The following SEPTIN9 variants were observed in gnomAD, a reference collection of about 807,000 sequenced individuals.
SEPTIN9 encodes the protein septin 9, also known as septin-9.
SEPTIN9 carries 13 observed loss-of-function variants against 56.6 expected under a neutral mutation model. The ratio of observed to expected loss-of-function variants is 0.23; its 90% CI spans 0.15 to 0.37. SEPTIN9 has a LOEUF of 0.37. Ranked by LOEUF, SEPTIN9 falls within the 10% of genes least tolerant of loss-of-function variation. The probability of loss-of-function intolerance (pLI) is 1.00; values close to 1 mark genes in which losing one functional copy is unlikely to be tolerated. For synonymous variants in SEPTIN9, 332 were observed against 334.1 expected, an observed-to-expected ratio of 0.99 and a Z score of 0.07; for missense variants, 650 against 823.1, an observed-to-expected ratio of 0.79 and a Z score of 2.57.
intron 2 of SEPTIN9, among the ~76,000 whole-genome samples, chr17:77,347,490 C>T (rs2033926339): frequency 6.6e-6 from 1 of 151,892 alleles, no homozygotes; most frequent in South Asian, 2.1e-4. Context: ...TAGGTGCATA[C>T]ACATTTATGA....
In SEPTIN9 at chr17:77,437,941, C is replaced by T. The variant is rs923218236; in HGVS notation, c.721+35238C>T. On this transcript the variant is annotated intron_variant, in intron 3 of 11. Transcript: ENST00000427177. The surrounding 1 kb of genome is among the most constrained non-coding windows in gnomAD (Gnocchi z 5.3). The stretch of plus-strand genomic sequence containing the variant: ...GGCTGGTTGTTGGTGCCTGGCCCTG[C>T]CCTGCACTGTGCACCCATTGAAGGC... Among the ~76,000 whole-genome samples the T allele has an allele frequency of 6.6e-6, 1 of 152,198 alleles. No homozygotes were observed. Among genetic ancestry groups the T allele is most frequent in the African/African-American group, 2.4e-5 (1 of 41,444 alleles).
At chr17:77,347,924 T>C (rs1247874217) in intron 2 of SEPTIN9, among the ~76,000 whole-genome samples, 1 of 152,200 alleles carries the variant, frequency 6.6e-6, no homozygotes, top group African/African-American at 2.4e-5. Flanking sequence ...GAATGTTCGG[T>C]AAGTTAGATG....
At position 77,499,984 on chromosome 17, in the gene SEPTIN9, T is replaced by TG. The variant is rs2040436236; in HGVS notation, c.*1331dup. 1 of 238,694 alleles carries TG rather than the reference T, an allele frequency of 4.2e-6. No homozygotes were observed. The highest frequency in any genetic ancestry group is 2.2e-5 in the African/African-American group (1 of 45,336). The allele number at this position is 238,694 out of a possible 1,614,324, so 14.8% of individuals were successfully genotyped here. A position where few individuals can be genotyped will look rare whatever the true frequency, so the allele number is the denominator to read the frequency against. On this transcript the variant is annotated 3_prime_UTR_variant, in exon 12 of 12. Coordinates refer to ENST00000427177, the MANE Select transcript of SEPTIN9 (RefSeq NM_001113491.2). ...CCCTCTGTCCCCACGAGGGGACCCATGGGGGCTGTCTTTGCAGGGCACAGA... is the reference window on the plus strand; with the variant it reads ...CCCTCTGTCCCCACGAGGGGACCCATGGGGGGCTGTCTTTGCAGGGCACAGA...
intron 3 of SEPTIN9, among the ~76,000 whole-genome samples, chr17:77,407,723 C>T (rs550070004): frequency 3.3e-5 from 5 of 152,352 alleles, no homozygotes; most frequent in South Asian, 2.1e-4. Context: ...GGTGGATTCT[C>T]GGTTTCCGAG....
chr17:77,432,040 G>C (rs2037161669), intron 3 of SEPTIN9, among the ~76,000 whole-genome samples: 1 of 152,060 alleles, frequency 6.6e-6, no homozygotes, highest in African/African-American at 2.4e-5. Flanking sequence ...GACCCCAGCT[G>C]GGGGTGGGGG....
intron 3 of SEPTIN9, among the ~76,000 whole-genome samples, chr17:77,474,229 G>T (rs2039120456): frequency 6.6e-6 from 1 of 152,178 alleles, no homozygotes; most frequent in Non-Finnish European, 1.5e-5. Context: ...AGGGGCCCCA[G>T]GGCAGCTCTG....
chr17:77,376,371 G>T (rs1393924975), intron 2 of SEPTIN9: 6 of 985,544 alleles, frequency 6.1e-6, no homozygotes, highest in Non-Finnish European at 7.2e-6. Context: ...TCCCGGGGCG[G>T]CTCACCTGGT....
At chr17:77,393,664 A>G (rs1233039749) in intron 2 of SEPTIN9, among the ~76,000 whole-genome samples, 1 of 152,132 alleles carries the variant, frequency 6.6e-6, no homozygotes, top group Non-Finnish European at 1.5e-5. Context: ...ATCTCGGCTC[A>G]CCACAACCTC....
At chr17:77,385,999 C>T (rs2035323221) in intron 2 of SEPTIN9, among the ~76,000 whole-genome samples, 1 of 152,162 alleles carries the variant, frequency 6.6e-6, no homozygotes, top group Non-Finnish European at 1.5e-5. Flanking sequence ...ATCTTTCGGT[C>T]CAGCCCTTCC....
In SEPTIN9 at chr17:77,487,566, A is replaced by G. The variant is rs1158769544; in HGVS notation, c.1042+14A>G. 6.2e-7 allele frequency: 1 copy of G among 1,604,790 alleles called. No individual in the cohort carries two copies. Among genetic ancestry groups the G allele is most frequent in the Non-Finnish European group, 8.5e-7 (1 of 1,177,160 alleles). ...CCATCACGCACGGTCAGTGGCCGGG[A>G]GTGGGCTGGGGGTGCAGGACGCCCC... On this transcript the variant is annotated intron_variant, in intron 5 of 11. Coordinates refer to ENST00000427177, the MANE Select transcript of SEPTIN9 (RefSeq NM_001113491.2). The surrounding 1 kb of genome is among the most constrained non-coding windows in gnomAD (Gnocchi z 4.3).
chr17:77,495,767 G>A (rs534032659), intron 10 of SEPTIN9, among the ~76,000 whole-genome samples: 46 of 152,338 alleles, frequency 3.0e-4, no homozygotes, highest in African/African-American at 1.1e-3. Context: ...CGTGGCAGGA[G>A]GGCCTAGGCA....
In SEPTIN9 at chr17:77,329,974, C is replaced by T. The variant is rs77391180; in HGVS notation, c.76+22777C>T. On this transcript the variant is annotated intron_variant, in intron 2 of 11. Transcript: ENST00000427177. This position sits in a 1 kb window ranked among gnomAD's most constrained non-coding sequence, Gnocchi z 4.3. ...GGGTGGGGGCTGCAGTCCATGCCCC[C>T]GCTCCAGGCAACACAGTCGAGCTGC... is the stretch of plus-strand genomic sequence containing the variant. Among the ~76,000 whole-genome samples, 950 of 152,250 alleles carry T rather than the reference C, an allele frequency of 6.2e-3. 11 individuals carry two copies. Among genetic ancestry groups the T allele is most frequent in the African/African-American group, 0.022 (896 of 41,546 alleles).
chr17:77,451,415 T>G lies in SEPTIN9; in HGVS notation c.722-30729T>G. ...CTGCCCCGCGCTCTGGGAGGCTCCT[T>G]GTTCCGCGACCACAAAGCCCCTTTG... On this transcript the variant is annotated intron_variant, in intron 3 of 11. Transcript: ENST00000427177. The surrounding 1 kb of genome is among the most constrained non-coding windows in gnomAD (Gnocchi z 4.2). 2.0e-6 allele frequency: 2 copies of G among 985,632 alleles called. No individual in the cohort carries two copies. Among genetic ancestry groups the G allele is most frequent in the Non-Finnish European group, 1.2e-6 (1 of 830,072 alleles). The allele number at this position is 985,632 out of a possible 1,614,324, so 61.1% of individuals were successfully genotyped here.
At chr17:77,498,044 C>G (rs2040347655) in intron 11 of SEPTIN9, among the ~76,000 whole-genome samples, 1 of 151,930 alleles carries the variant, frequency 6.6e-6, no homozygotes, top group African/African-American at 2.4e-5. Flanking sequence ...AATCCGAGCC[C>G]AGGACTTTTT....
At chr17:77,361,334 C>T (rs1786882927) in intron 2 of SEPTIN9, among the ~76,000 whole-genome samples, 1 of 151,666 alleles carries the variant, frequency 6.6e-6, no homozygotes, top group East Asian at 1.9e-4. Flanking sequence ...AGGTCTTTCT[C>T]TGTCTGGGTG....
chr17:77,281,660 G>A, intron 1 of SEPTIN9, 106 bp downstream of exon 1: 1 of 1,162,176 alleles, frequency 8.6e-7, no homozygotes, highest in Non-Finnish European at 1.2e-6. Context: ...AGCTGAGCGA[G>A]TCCCCGCGGC....
chr17:77,492,702 A>C lies in SEPTIN9; in HGVS notation c.1462A>C (p.Asn488His), dbSNP rs77788745. Reference sequence around the variant, plus strand: ...TGAGGACTCGGAGGACCGGCTGGTGAACGAGAAGTTCCGGGTGAGTGGATC... The same window carrying C: ...TGAGGACTCGGAGGACCGGCTGGTGCACGAGAAGTTCCGGGTGAGTGGATC... ...FDEDSEDRLV[N>H]EKFREMIPFA... The change falls in exon 9 of 12, where the codon AAC (asparagine) becomes CAC (histidine). Residue 488 changes from asparagine to histidine, a missense_variant. Physicochemically the swap from Asn to His is moderately conservative, Grantham distance 68. This residue lies in a region of SEPTIN9 where 333 missense variants were observed against 494.0 expected (regional missense o/e 0.67). Coordinates refer to ENST00000427177, the MANE Select transcript of SEPTIN9 (RefSeq NM_001113491.2). The surrounding 1 kb of genome is among the most constrained non-coding windows in gnomAD (Gnocchi z 5.4). 1 of 1,613,984 alleles carries C rather than the reference A, an allele frequency of 6.2e-7. No individual in the cohort carries two copies. Among genetic ancestry groups the C allele is most frequent in the Non-Finnish European group, 8.5e-7 (1 of 1,179,964 alleles).
chr17:77,423,557 C>T (rs547363850), intron 3 of SEPTIN9, among the ~76,000 whole-genome samples: 8 of 152,314 alleles, frequency 5.3e-5, no homozygotes, highest in African/African-American at 1.4e-4. Context: ...GGGGTGGGAA[C>T]GGGAGCTGGC....
rs2033323641 is a variant in SEPTIN9, at chr17:77,330,956, A to T, written c.76+23759A>T. On this transcript the variant is annotated intron_variant, in intron 2 of 11. Transcript: ENST00000427177. The surrounding 1 kb of genome is among the most constrained non-coding windows in gnomAD (Gnocchi z 4.4). ...CAGCTGGGAATCGGAGCTCACCTGG[A>T]GTCCCAGGCAGCAGATTCGATGCAG... Among the ~76,000 whole-genome samples the T allele has an allele frequency of 6.6e-6, 1 of 152,182 alleles. No individual in the cohort carries two copies. The highest frequency in any genetic ancestry group is 1.5e-5 in the Non-Finnish European group (1 of 68,026).
Sources: gnomAD v4.1 joint callset for allele counts (sites outside exome capture counted in the v4.1 genomes callset) on GRCh38, gnomAD v4.1.1 for gene constraint, gnomAD v4.1.1 regional missense constraint, Gnocchi (gnomAD v3.1) non-coding constraint, MANE v1.5 for transcripts, NCBI Gene and HGNC (gene_info 2026-07-23, HGNC 2026-07-21) for gene names.